SNRPF: variants seen among roughly 807,000 people sequenced by gnomAD.
The protein encoded by SNRPF is small nuclear ribonucleoprotein polypeptide F.
A neutral mutation model predicts 13.4 loss-of-function variants in SNRPF; 1 was observed. The ratio of observed to expected loss-of-function variants is 0.07; its 90% CI spans 0.03 to 0.35. The LOEUF (loss-of-function observed/expected upper bound fraction) is 0.35, where lower values mean the gene tolerates loss of function less well. SNRPF is among the 10% of genes least tolerant of loss of function. SNRPF has a pLI of 0.99. For synonymous variants in SNRPF, 27 were observed against 32.1 expected (o/e 0.84, Z 0.54); for missense variants, 53 against 101.0 (o/e 0.52, Z 2.04).
intron 1 of SNRPF, among the ~76,000 whole-genome samples, chr12:95,859,314 T>TTCA (rs1047730947): frequency 6.6e-6 from 1 of 152,126 alleles, no homozygotes; most frequent in African/African-American, 2.4e-5. Context: ...GGGCCTGGGG[T>TTCA]ATTCTTAGTT....
Position 95,858,991 on chromosome 12 carries a change from C to T in SNRPF, c.-83C>T, listed in dbSNP as rs1017667263. 5.0e-6 allele frequency: 8 copies of T among 1,592,230 alleles called. No individual in the cohort carries two copies. Among genetic ancestry groups the T allele is most frequent in the African/African-American group, 1.3e-5 (1 of 74,782 alleles). On this transcript the variant is annotated 5_prime_UTR_variant, in exon 1 of 4. Coordinates refer to ENST00000266735, the MANE Select transcript of SNRPF (RefSeq NM_003095.5). ...TTTCTCTTGAAACTGCGGCTCGGGA[C>T]CTGCGGTACCTGCTGTAGTCACGAG...
intron 2 of SNRPF, 185 bp from the exon 3 acceptor site, chr12:95,865,139 G>A (rs2079514609): frequency 2.5e-6 from 1 of 393,012 alleles, no homozygotes; most frequent in Non-Finnish European, 4.5e-6. Flanking sequence ...TTTCGTTGAA[G>A]GTTTATATGA....
At chr12:95,865,132 C>T (rs1245293535) in intron 2 of SNRPF, 192 bp from the exon 3 acceptor site, 10 of 378,828 alleles carry the variant, frequency 2.6e-5, no homozygotes, top group Middle Eastern at 7.1e-4. Context: ...ATATTAATTT[C>T]GTTGAAGGTT....
chr12:95,865,420 T>C, intron 3 of SNRPF, 32 bp downstream of exon 3: 2 of 1,056,248 alleles, frequency 1.9e-6, no homozygotes, highest in East Asian at 2.4e-5. Flanking sequence ...TGTAAGGAGT[T>C]ACTGGTGAGC....
chr12:95,859,784 C>G (rs1226170488), intron 1 of SNRPF, among the ~76,000 whole-genome samples: 1 of 152,180 alleles, frequency 6.6e-6, no homozygotes, highest in Non-Finnish European at 1.5e-5. Flanking sequence ...AGGCGTTGGG[C>G]AGGACCTCTT....
intron 1 of SNRPF, 102 bp downstream of exon 1, chr12:95,859,178 C>T: frequency 9.7e-7 from 1 of 1,034,606 alleles, no homozygotes; most frequent in Non-Finnish European, 1.5e-6. Flanking sequence ...CATTCATCCG[C>T]GTGAGGCGCC....
intron 1 of SNRPF, among the ~76,000 whole-genome samples, chr12:95,860,900 C>T (rs1160886089): frequency 1.6e-5 from 2 of 126,002 alleles, no homozygotes; most frequent in South Asian, 2.7e-4. Flanking sequence ...TTCTTTAGAG[C>T]TCAGAACAGT....
chr12:95,864,805 A>C (rs1196582518), intron 2 of SNRPF, among the ~76,000 whole-genome samples: 1 of 152,198 alleles, frequency 6.6e-6, no homozygotes, highest in East Asian at 1.9e-4. Flanking sequence ...GCTGCTCAGG[A>C]GATTGAGGCA....
intron 2 of SNRPF, 50 bp from the exon 3 acceptor site, chr12:95,865,273 TA>T: frequency 1.1e-6 from 1 of 892,202 alleles, no homozygotes; most frequent in South Asian, 1.4e-5. Flanking sequence ...AGCTGTATTG[TA>T]ATATTTTCCT....
chr12:95,865,494 T>C (rs958640210), intron 3 of SNRPF, 106 bp downstream of exon 3: 11 of 562,566 alleles, frequency 2.0e-5, no homozygotes, highest in Admixed American at 2.8e-5. Flanking sequence ...TTTTAAAAAA[T>C]CACTATTATA....
chr12:95,866,127 G>A lies in SNRPF; in HGVS notation c.*56G>A. 1 of 867,468 alleles carries A rather than the reference G, an allele frequency of 1.2e-6. No homozygotes were observed. Among genetic ancestry groups the A allele is most frequent in the Non-Finnish European group, 1.8e-6 (1 of 549,748 alleles). 53.7% of individuals were successfully genotyped at this position (867,468 alleles called of 1,614,324 possible). A position where few individuals can be genotyped will look rare whatever the true frequency, so the allele number is the denominator to read the frequency against. On this transcript the variant is annotated 3_prime_UTR_variant, in exon 4 of 4. Coordinates refer to ENST00000266735, the MANE Select transcript of SNRPF (RefSeq NM_003095.5). ...ATTTCTAGACAATAAAGATTTGTTT[G>A]TTTTTCAACTTGACTTGTGAACTAT...
intron 2 of SNRPF, among the ~76,000 whole-genome samples, chr12:95,862,366 T>G (rs1389141845): frequency 1.3e-5 from 2 of 152,194 alleles, no homozygotes; most frequent in African/African-American, 4.8e-5. Context: ...TTTCAGCTCT[T>G]TGGGGTATAT....
chr12:95,859,241 T>G (rs1242530168), intron 1 of SNRPF, among the ~76,000 whole-genome samples, 165 bp downstream of exon 1: 3 of 152,166 alleles, frequency 2.0e-5, no homozygotes, highest in African/African-American at 7.2e-5. Flanking sequence ...CTGAGGCGCG[T>G]GCTCCTCCCG....
chr12:95,865,441 C>T lies in SNRPF; in HGVS notation c.194+53C>T, dbSNP rs925963868. The T allele has an allele frequency of 4.8e-6, 4 of 830,618 alleles. No homozygotes were observed. In the African/African-American group the frequency reaches 6.8e-5, roughly 14 times the overall value. The allele number at this position is 830,618 out of a possible 1,614,324, so 51.5% of individuals were successfully genotyped here. ...GAGTTACTGGTGAGCATTAGGAATA[C>T]CTGTTCTAAATATATTAGTGCCTCA... On this transcript the variant is annotated intron_variant, in intron 3 of 3. Coordinates refer to ENST00000266735, the MANE Select transcript of SNRPF (RefSeq NM_003095.5).
intron 2 of SNRPF, chr12:95,861,762 A>G (rs2079497496): frequency 6.5e-6 from 1 of 154,750 alleles, no homozygotes; most frequent in South Asian, 2.0e-4. Context: ...AGTTTCTGTA[A>G]ATGATTCAGC....
chr12:95,865,888 T>C, intron 3 of SNRPF, 117 bp from the exon 4 acceptor site: 1 of 419,038 alleles, frequency 2.4e-6, no homozygotes, highest in Non-Finnish European at 4.3e-6. Flanking sequence ...AAAAAATTTT[T>C]TTAAAGACAA....
chr12:95,862,974 T>C (rs1403999719), intron 2 of SNRPF, among the ~76,000 whole-genome samples: 1 of 152,194 alleles, frequency 6.6e-6, no homozygotes, highest in Non-Finnish European at 1.5e-5. Flanking sequence ...TTCATGTCTT[T>C]TGCACATTTA....
intron 1 of SNRPF, among the ~76,000 whole-genome samples, chr12:95,859,911 T>C (rs1303253318): frequency 1.3e-5 from 2 of 152,146 alleles, no homozygotes; most frequent in Non-Finnish European, 2.9e-5. Context: ...TAAAAAATCA[T>C]AGTTACTGTG....
intron 2 of SNRPF, 108 bp downstream of exon 2, chr12:95,861,401 T>C: frequency 9.3e-7 from 1 of 1,071,230 alleles, no homozygotes; most frequent in Non-Finnish European, 1.3e-6. Flanking sequence ...AATTGACAAA[T>C]ATACGGCAAA....
Sources: allele counts gnomAD v4.1 joint callset (sites outside exome capture counted in the v4.1 genomes callset), GRCh38; gene constraint gnomAD v4.1.1; transcripts MANE v1.5; gene names NCBI Gene and HGNC (gene_info 2026-07-23, HGNC 2026-07-21).